The following MAP1B variants were observed in gnomAD, a reference collection of about 807,000 sequenced individuals.
MAP1B encodes the protein microtubule associated protein 1B.
In MAP1B, 12 loss-of-function variants were observed where a neutral mutation model predicts 176.1. The observed-to-expected ratio is 0.07, with a 90% CI of 0.04 to 0.11. The LOEUF is 0.11. Among genes scored for constraint, MAP1B ranks in the 10% least tolerant of loss-of-function variants. The pLI, the probability that MAP1B is intolerant of heterozygous loss-of-function variation, is 1.00. For synonymous variants in MAP1B, 1,044 were observed against 1,135.0 expected, an observed-to-expected ratio of 0.92 and a Z score of 1.61; for missense variants, 2,523 against 2,990.5, an observed-to-expected ratio of 0.84 and a Z score of 3.65.
chr5:72,143,018 G>T (rs1745976418), intron 2 of MAP1B, among the ~76,000 whole-genome samples: 1 of 152,094 alleles, frequency 6.6e-6, no homozygotes. Flanking sequence ...TGATTGCATA[G>T]GTGTCCATAT....
At chr5:72,142,145 G>A (rs1262553647) in intron 2 of MAP1B, among the ~76,000 whole-genome samples, 1 of 152,202 alleles carries the variant, frequency 6.6e-6, no homozygotes, top group Admixed American at 6.5e-5. Flanking sequence ...CTCCCCATCT[G>A]GGCTTGGTGC....
intron 2 of MAP1B, among the ~76,000 whole-genome samples, chr5:72,136,874 C>G (rs1285090176): frequency 6.6e-6 from 1 of 152,116 alleles, no homozygotes; most frequent in African/African-American, 2.4e-5. Context: ...TTTTGCCAAG[C>G]CCATACCAAG....
At chr5:72,133,989 A>G (rs1411621131) in intron 2 of MAP1B, among the ~76,000 whole-genome samples, 2 of 152,320 alleles carry the variant, frequency 1.3e-5, no homozygotes, top group East Asian at 3.9e-4. Context: ...ATATTGTGGA[A>G]AATCCCTTCC....
chr5:72,130,125 A>T (rs115975575), intron 2 of MAP1B, among the ~76,000 whole-genome samples: 2,106 of 151,770 alleles, frequency 0.014, 54 homozygotes, highest in African/African-American at 0.048. Flanking sequence ...AAAATAAAAT[A>T]AATTAATTAA....
intron 2 of MAP1B, among the ~76,000 whole-genome samples, chr5:72,119,620 A>T (rs1204106654): frequency 1.3e-5 from 2 of 151,976 alleles, no homozygotes; most frequent in African/African-American, 4.8e-5. Flanking sequence ...TGATCCCCCC[A>T]CCTCAGCCTC....
chr5:72,107,612 C>G lies in MAP1B; in HGVS notation c.81C>G (p.Ser27Arg). Residue 27 changes from serine (S) to arginine (R), a missense_variant, in exon 1 of 7, where the codon AGC becomes AGG. Around this residue, in one of 4 missense-constraint regions of MAP1B, gnomAD observed 307 missense variants for 438.4 expected, o/e 0.70. Coordinates refer to ENST00000296755, the MANE Select transcript of MAP1B (RefSeq NM_005909.5). ...ACCCGGCGGCGTCCACCTCGCCTAGCCTGTCGCACCGCTTCCTTGACAGCA... is the reference window on the plus strand; with the variant it reads ...ACCCGGCGGCGTCCACCTCGCCTAGGCTGTCGCACCGCTTCCTTGACAGCA... ...IANPAASTSP[S>R]LSHRFLDSKF... The G allele has an allele frequency of 6.3e-7, 1 of 1,599,024 alleles. No homozygotes were observed. The highest frequency in any genetic ancestry group is 8.5e-7 in the Non-Finnish European group (1 of 1,178,956).
At chr5:72,134,119 T>A (rs750637655) in intron 2 of MAP1B, among the ~76,000 whole-genome samples, 3 of 152,236 alleles carry the variant, frequency 2.0e-5, no homozygotes, top group Non-Finnish European at 4.4e-5. Flanking sequence ...AGTGAGAGTT[T>A]TGTGTGTGTA....
At chr5:72,134,812 GCCAC>G (rs934304587) in intron 2 of MAP1B, among the ~76,000 whole-genome samples, 2 of 151,182 alleles carry the variant, frequency 1.3e-5, no homozygotes, top group African/African-American at 4.9e-5. Context: ...CAGAGACTTG[GCCAC>G]TGCTGAGTAG....
chr5:72,141,213 T>C (rs1271874507), intron 2 of MAP1B, among the ~76,000 whole-genome samples: 1 of 152,130 alleles, frequency 6.6e-6, no homozygotes, highest in African/African-American at 2.4e-5. Context: ...TTTCCTCCCA[T>C]TTCTCCTCTC....
intron 2 of MAP1B, among the ~76,000 whole-genome samples, chr5:72,146,961 CTTTTTTTT>C (rs549281263): frequency 8.9e-5 from 12 of 134,920 alleles, no homozygotes; most frequent in Non-Finnish European, 1.1e-4. Flanking sequence ...TCCAAATCTT[CTTTTTTTT>C]TTTTTTTTTT....
intron 2 of MAP1B, among the ~76,000 whole-genome samples, chr5:72,177,434 G>A (rs183971122): frequency 4.5e-4 from 68 of 152,286 alleles, no homozygotes; most frequent in African/African-American, 1.6e-3. Flanking sequence ...TTATTTGCTG[G>A]TACCTTTCCT....
chr5:72,116,038 G>A (rs1000570339), intron 2 of MAP1B: 2 of 410,726 alleles, frequency 4.9e-6, no homozygotes, highest in South Asian at 2.4e-5. Context: ...TTGTGTATGT[G>A]TATATATATA....
intron 2 of MAP1B, among the ~76,000 whole-genome samples, chr5:72,127,326 ACAATTTACATG>A (rs1439352092): frequency 2.0e-5 from 3 of 152,260 alleles, no homozygotes; most frequent in African/African-American, 7.2e-5. Context: ...CTGACAGTGT[ACAATTTACATG>A]CAGGTAATCA....
intron 2 of MAP1B, among the ~76,000 whole-genome samples, chr5:72,176,949 C>G (rs1322260214): frequency 6.6e-6 from 1 of 152,188 alleles, no homozygotes; most frequent in African/African-American, 2.4e-5. Context: ...CAGCTACCTC[C>G]AGGGCTAGGA....
intron 2 of MAP1B, among the ~76,000 whole-genome samples, chr5:72,125,338 A>T (rs1745608447): frequency 6.6e-6 from 1 of 152,212 alleles, no homozygotes; most frequent in South Asian, 2.1e-4. Context: ...GTGTTTGCAT[A>T]CATGAGAGAA....
chr5:72,123,333 C>T (rs971458018), intron 2 of MAP1B, among the ~76,000 whole-genome samples: 8 of 152,024 alleles, frequency 5.3e-5, no homozygotes, highest in African/African-American at 1.9e-4. Flanking sequence ...GACAGGTTCT[C>T]CCCTCTGTCA....
At chr5:72,179,175 A>G (rs918164086) in intron 2 of MAP1B, among the ~76,000 whole-genome samples, 5 of 152,090 alleles carry the variant, frequency 3.3e-5, no homozygotes, top group Non-Finnish European at 7.4e-5. Context: ...AGGCTTCACA[A>G]TCATGCTGAG....
At chr5:72,193,568 C>T (rs933413245) in intron 4 of MAP1B, among the ~76,000 whole-genome samples, 1 of 152,126 alleles carries the variant, frequency 6.6e-6, no homozygotes, top group African/African-American at 2.4e-5. Context: ...AGAGTACTGG[C>T]ATTCCCCTGC....
chr5:72,137,094 G>A (rs1334569036), intron 2 of MAP1B, among the ~76,000 whole-genome samples: 1 of 152,182 alleles, frequency 6.6e-6, no homozygotes, highest in Non-Finnish European at 1.5e-5. Flanking sequence ...ACTGTAGGCT[G>A]AGTAATAATT....
Sources: allele counts gnomAD v4.1 joint callset (sites outside exome capture counted in the v4.1 genomes callset), GRCh38; gene constraint gnomAD v4.1.1; regional missense constraint gnomAD v4.1.1; transcripts MANE v1.5; gene names NCBI Gene and HGNC (gene_info 2026-07-23, HGNC 2026-07-21).